Variants in RAD51B observed in about 807,000 individuals in gnomAD.
The protein encoded by RAD51B is RAD51 paralog B.
Under a neutral mutation model 42.2 loss-of-function variants are expected in RAD51B, and 38 were observed. The observed-to-expected ratio is 0.90, with a 90% CI of 0.70 to 1.18. RAD51B has a LOEUF of 1.18. RAD51B is among the 50% of genes most tolerant of loss of function. The probability of loss-of-function intolerance (pLI) is 0.00; values close to 1 mark genes in which losing one functional copy is unlikely to be tolerated. For synonymous variants in RAD51B, 154 were observed against 145.2 expected (o/e 1.06, Z -0.43); for missense variants, 373 against 400.7 (o/e 0.93, Z 0.59).
intron 7 of RAD51B, among the ~76,000 whole-genome samples, chr14:68,070,206 A>T (rs2140462954): frequency 6.6e-6 from 1 of 152,122 alleles, no homozygotes; most frequent in African/African-American, 2.4e-5. Flanking sequence ...ATAGTTTGCA[A>T]ATATTTTCTC....
chr14:68,161,335 A>G (rs928778394), intron 7 of RAD51B, among the ~76,000 whole-genome samples: 1 of 152,174 alleles, frequency 6.6e-6, no homozygotes, highest in African/African-American at 2.4e-5. Flanking sequence ...CACCAGGTGT[A>G]TACTCTACTA....
chr14:68,293,295 A>C, intron 8 of RAD51B, among the ~76,000 whole-genome samples: 1 of 152,210 alleles, frequency 6.6e-6, no homozygotes, highest in East Asian at 1.9e-4. Context: ...AAAATCAGTA[A>C]GCTGATTTTA....
chr14:68,102,463 C>T (rs899819380), intron 7 of RAD51B, among the ~76,000 whole-genome samples: 4 of 152,168 alleles, frequency 2.6e-5, no homozygotes, highest in African/African-American at 4.8e-5. Context: ...CAAAATTCCA[C>T]CAGTCTGTTT....
intron 8 of RAD51B, among the ~76,000 whole-genome samples, chr14:68,346,933 CT>C (rs1010931314): frequency 3.2e-4 from 48 of 152,088 alleles, no homozygotes; most frequent in African/African-American, 1.2e-3. Context: ...TAATTTATCC[CT>C]TCCCCTCTTG....
intron 10 of RAD51B, among the ~76,000 whole-genome samples, chr14:68,588,683 T>C (rs76772737): frequency 0.013 from 1,966 of 152,188 alleles, 20 homozygotes; most frequent in Non-Finnish European, 0.02. Flanking sequence ...CACAAGTGAG[T>C]AGTATCGAGT....
intron 7 of RAD51B, chr14:67,908,976 T>C (rs2043874526): frequency 6.6e-6 from 1 of 152,208 alleles, no homozygotes; most frequent in Admixed American, 6.5e-5. Flanking sequence ...TTCTCTTTCA[T>C]TAGTGTACAA....
intron 10 of RAD51B, among the ~76,000 whole-genome samples, chr14:68,580,974 C>G (rs771016394): frequency 2.5e-4 from 38 of 152,174 alleles, no homozygotes; most frequent in Non-Finnish European, 5.0e-4. Flanking sequence ...CACTTTCTTC[C>G]CTCCTGTGAG....
chr14:68,276,905 G>C (rs2081236324), intron 7 of RAD51B, among the ~76,000 whole-genome samples: 1 of 152,194 alleles, frequency 6.6e-6, no homozygotes, highest in Admixed American at 6.5e-5. Flanking sequence ...AGCCCTCCGA[G>C]GTAGTACTGG....
chr14:68,652,665 G>C (rs1459621038), intron 11 of RAD51B, among the ~76,000 whole-genome samples: 1 of 152,196 alleles, frequency 6.6e-6, no homozygotes, highest in Admixed American at 6.5e-5. Flanking sequence ...CACCTCCTGT[G>C]TTACTGGAAA....
At chr14:67,974,309 A>G (rs1020001855) in intron 7 of RAD51B, among the ~76,000 whole-genome samples, 1 of 152,110 alleles carries the variant, frequency 6.6e-6, no homozygotes, top group Admixed American at 6.6e-5. Flanking sequence ...CTATTACTTC[A>G]AAAATGATAG....
intron 7 of RAD51B, among the ~76,000 whole-genome samples, chr14:67,901,816 A>G (rs1296248666): frequency 6.6e-6 from 1 of 152,218 alleles, no homozygotes; most frequent in Non-Finnish European, 1.5e-5. Context: ...GCTAGACACA[A>G]AAAGACAAAT....
chr14:68,336,844 T>C (rs558253139), intron 8 of RAD51B, among the ~76,000 whole-genome samples: 15 of 152,360 alleles, frequency 9.8e-5, no homozygotes, highest in African/African-American at 3.6e-4. Flanking sequence ...ACCATTTCTT[T>C]GTTTGTCCCC....
At chr14:67,971,193 T>A (rs2140250537) in intron 7 of RAD51B, among the ~76,000 whole-genome samples, 1 of 152,196 alleles carries the variant, frequency 6.6e-6, no homozygotes, top group Admixed American at 6.5e-5. Context: ...CATTTTGAAT[T>A]GATATTGTTA....
intron 7 of RAD51B, among the ~76,000 whole-genome samples, chr14:67,996,858 AC>A (rs1465900422): frequency 6.6e-6 from 1 of 152,224 alleles, no homozygotes; most frequent in African/African-American, 2.4e-5. Context: ...GGTAGCTTAG[AC>A]AGAGTGGTCA....
In RAD51B at chr14:68,303,921, G is replaced by A. The variant is rs2081802263; in HGVS notation, c.853+11941G>A. Among the ~76,000 whole-genome samples, 3 of 152,188 alleles carry A rather than the reference G, an allele frequency of 2.0e-5. No individual in the cohort carries two copies. The South Asian group carries it at 6.2e-4, about 31-fold the overall frequency. On this transcript the variant is annotated intron_variant, in intron 8 of 10. Transcript: ENST00000471583. The stretch of plus-strand genomic sequence containing the variant: ...GTGGTGGCTCATACCTATAATCCCA[G>A]CACTTTGGGAGGCTGAGGTGGGCAG...
chr14:67,887,922 C>T (rs2043111159), intron 7 of RAD51B, among the ~76,000 whole-genome samples: 1 of 152,146 alleles, frequency 6.6e-6, no homozygotes, highest in East Asian at 1.9e-4. Flanking sequence ...GTCGTTGTTC[C>T]ACAGCCTCAT....
intron 7 of RAD51B, among the ~76,000 whole-genome samples, chr14:68,246,331 G>A (rs2141012033): frequency 6.6e-6 from 1 of 152,200 alleles, no homozygotes; most frequent in African/African-American, 2.4e-5. Context: ...TGACAAAAAA[G>A]GATAGAAGTT....
At chr14:68,243,152 A>T (rs1323676007) in intron 7 of RAD51B, among the ~76,000 whole-genome samples, 1 of 152,236 alleles carries the variant, frequency 6.6e-6, no homozygotes, top group East Asian at 1.9e-4. Context: ...TTAAAACAGA[A>T]ATTTTAAAGG....
At chr14:67,886,628 AG>A (rs2043069494) in intron 6 of RAD51B, 1 of 231,906 alleles carries the variant, frequency 4.3e-6, no homozygotes, top group Non-Finnish European at 8.5e-6. Context: ...CTCAGAAATA[AG>A]GTACCATGAT....
Sources: gnomAD v4.1 joint callset for allele counts (sites outside exome capture counted in the v4.1 genomes callset) on GRCh38, gnomAD v4.1.1 for gene constraint, MANE v1.5 for transcripts, NCBI Gene and HGNC (gene_info 2026-07-23, HGNC 2026-07-21) for gene names.